The following DMBX1 variants were observed in gnomAD, a reference collection of about 807,000 sequenced individuals.
DMBX1 encodes the protein diencephalon/mesencephalon homeobox 1.
A neutral mutation model predicts 30.4 loss-of-function variants in DMBX1; 7 were observed. The ratio of observed to expected loss-of-function variants is 0.23; its 90% confidence interval spans 0.13 to 0.43. The LOEUF (loss-of-function observed/expected upper bound fraction) is 0.43. Ranked by LOEUF, DMBX1 falls within the 20% of genes least tolerant of loss-of-function variation. The pLI, the probability that DMBX1 is intolerant of heterozygous loss-of-function variation, is 1.00. For missense variants in DMBX1, 460 were observed against 508.5 expected, an observed-to-expected ratio of 0.90 and a Z score of 0.92; for synonymous variants, 222 against 214.2, an observed-to-expected ratio of 1.04 and a Z score of -0.32.
At chr1:46,490,464 A>G (rs1355365177) in intron 1 of DMBX1, among the ~76,000 whole-genome samples, 180 bp from the exon 2 acceptor site, 1 of 150,634 alleles carries the variant, frequency 6.6e-6, no homozygotes, top group Admixed American at 6.6e-5. Flanking sequence ...AATGCGGACC[A>G]GATGCGGCCT....
Position 46,493,980 on chromosome 1 carries a change from GCTAA to G in DMBX1, c.-13+3200_-13+3203del, listed in dbSNP as rs1665981274. Among the ~76,000 whole-genome samples the G allele has an allele frequency of 6.6e-6, 1 of 152,230 alleles. No individual in the cohort carries two copies. The highest frequency in any genetic ancestry group is 6.5e-5 in the Admixed American group (1 of 15,286). ...CATCCCTGACAGACTTTGGGCCAAGGCTAACTGAGCAGGCAGGGCCACCACTTCT... is the reference window on the plus strand; with the variant it reads ...CATCCCTGACAGACTTTGGGCCAAGGCTGAGCAGGCAGGGCCACCACTTCT... On this transcript the variant is annotated intron_variant, in intron 2 of 5. Coordinates refer to ENST00000360032, the MANE Select transcript of DMBX1 (RefSeq NM_172225.2). This position sits in a 1 kb window ranked among gnomAD's most constrained non-coding sequence, Gnocchi z 4.1.
At position 46,491,801 on chromosome 1, in the gene DMBX1, T is replaced by TG. The variant is rs1305887817; in HGVS notation, c.-13+1020dup. On this transcript the variant is annotated intron_variant, in intron 2 of 5. Transcript: ENST00000360032. This position sits in a 1 kb window ranked among gnomAD's most constrained non-coding sequence, Gnocchi z 5.5. The stretch of plus-strand genomic sequence containing the variant: ...CCACATCCCTGGTTCTCCCCTCGAA[T>TG]GGAAAGGCACTCTGGCCTAAGGACG... 6.6e-6 allele frequency among the ~76,000 whole-genome samples: 1 copy of TG among 151,992 alleles called. No individual in the cohort carries two copies. Among genetic ancestry groups the TG allele is most frequent in the East Asian group, 1.9e-4 (1 of 5,194 alleles).
rs12564461 is a variant in DMBX1, at chr1:46,506,499, T to C, written c.-12-500T>C. On this transcript the variant is annotated intron_variant, in intron 2 of 5. Transcript: ENST00000360032. ...ATGAAGGTAAAAATGAGTAAGTGCC[T>C]GAGTAATTGAACGAAGAGATGATTG... Among the ~76,000 whole-genome samples the C allele has an allele frequency of 0.021, 3,263 of 152,338 alleles. 218 individuals are homozygous for C. In the East Asian group the frequency reaches 0.25, roughly 11 times the overall value.
chr1:46,505,316 C>T (rs1340621022), intron 2 of DMBX1, among the ~76,000 whole-genome samples: 10 of 147,516 alleles, frequency 6.8e-5, no homozygotes, highest in Non-Finnish European at 1.5e-4. Context: ...TTTACTGCGG[C>T]ATTATTCACA....
At chr1:46,501,975 A>G (rs12239159) in intron 2 of DMBX1, among the ~76,000 whole-genome samples, 1,622 of 152,202 alleles carry the variant, frequency 0.011, 28 homozygotes, top group African/African-American at 0.037. Flanking sequence ...AGCTTTGTTT[A>G]TGGTATATTC....
chr1:46,505,662 A>G (rs938195930), intron 2 of DMBX1, among the ~76,000 whole-genome samples: 1 of 151,976 alleles, frequency 6.6e-6, no homozygotes, highest in Non-Finnish European at 1.5e-5. Context: ...ATGACGAGTT[A>G]GTGGGTGTAG....
In DMBX1 at chr1:46,510,312, C is replaced by G; in HGVS notation, c.155-164C>G. ...GTGGAGAGACCTTGAAAGCCCACAGCCATATGGAGAGGGGATGGCTGATTT... is the reference window on the plus strand; with the variant it reads ...GTGGAGAGACCTTGAAAGCCCACAGGCATATGGAGAGGGGATGGCTGATTT... On this transcript the variant is annotated intron_variant, in intron 3 of 5. Transcript: ENST00000360032. The surrounding 1 kb of genome is among the most constrained non-coding windows in gnomAD (Gnocchi z 4.1). 1 of 811,936 alleles carries G rather than the reference C, an allele frequency of 1.2e-6. No individual in the cohort carries two copies. Among genetic ancestry groups the G allele is most frequent in the Non-Finnish European group, 1.9e-6 (1 of 530,342 alleles). The allele number at this position is 811,936 out of a possible 1,614,324, so 50.3% of individuals were successfully genotyped here. A position where few individuals can be genotyped will look rare whatever the true frequency, so the allele number is the denominator to read the frequency against.
chr1:46,511,379 A>AGT, intron 5 of DMBX1, 96 bp downstream of exon 5: 14 of 1,302,300 alleles, frequency 1.1e-5, no homozygotes, highest in Non-Finnish European at 1.4e-5. Flanking sequence ...CCTCAGGGGC[A>AGT]TGGCGCATCA....
chr1:46,501,117 A>G (rs1011006985), intron 2 of DMBX1, among the ~76,000 whole-genome samples: 2 of 151,974 alleles, frequency 1.3e-5, no homozygotes, highest in African/African-American at 4.8e-5. Context: ...TCTGATCGGT[A>G]AACAATGACC....
At chr1:46,501,218 CTTTCTTTCTTTCTTTCTTTCTTT>C (rs1666123427) in intron 2 of DMBX1, among the ~76,000 whole-genome samples, 14 of 85,898 alleles carry the variant, frequency 1.6e-4, no homozygotes, top group East Asian at 6.9e-4. Flanking sequence ...TCCTTCCTTT[CTTTCTTTCTTTCTTTCTTTCTTT>C]CTTTCTTTCT....
At chr1:46,502,116 T>A (rs114689631) in intron 2 of DMBX1, among the ~76,000 whole-genome samples, 1 of 152,324 alleles carries the variant, frequency 6.6e-6, no homozygotes, top group African/African-American at 2.4e-5. Flanking sequence ...AGGAAGTTAA[T>A]GTGTGAATGC....
At chr1:46,495,125 T>C (rs1011143335) in intron 2 of DMBX1, among the ~76,000 whole-genome samples, 2 of 152,186 alleles carry the variant, frequency 1.3e-5, no homozygotes, top group Non-Finnish European at 2.9e-5. Context: ...ATTGGCCCAC[T>C]CTCATCTCCC....
At chr1:46,490,318 C>G (rs1041407113) in intron 1 of DMBX1, among the ~76,000 whole-genome samples, 1 of 152,046 alleles carries the variant, frequency 6.6e-6, no homozygotes, top group Admixed American at 6.5e-5. Flanking sequence ...GCTTCGGATC[C>G]GTCACGGTTT....
chr1:46,510,371 C>T lies in DMBX1; in HGVS notation c.155-105C>T. On this transcript the variant is annotated intron_variant, in intron 3 of 5. Transcript: ENST00000360032. This position sits in a 1 kb window ranked among gnomAD's most constrained non-coding sequence, Gnocchi z 4.1. ...AAGGGACCAGGGCCAGCTCTGGCAGCAGCCTGGGTGTCCACAGTGGGTCAG... is the reference window on the plus strand; with the variant it reads ...AAGGGACCAGGGCCAGCTCTGGCAGTAGCCTGGGTGTCCACAGTGGGTCAG... The T allele has an allele frequency of 7.2e-7, 1 of 1,393,124 alleles. No homozygotes were observed. The highest frequency in any genetic ancestry group is 9.6e-7 in the Non-Finnish European group (1 of 1,043,074). 86.3% of individuals were successfully genotyped at this position (1,393,124 alleles called of 1,614,324 possible).
chr1:46,499,928 A>G (rs1033405227), intron 2 of DMBX1, among the ~76,000 whole-genome samples: 1 of 152,160 alleles, frequency 6.6e-6, no homozygotes, highest in Non-Finnish European at 1.5e-5. Context: ...CATTGTGATC[A>G]TCCTCATTTC....
chr1:46,493,100 C>A lies in DMBX1; in HGVS notation c.-13+2317C>A, dbSNP rs949135651. On this transcript the variant is annotated intron_variant, in intron 2 of 5. Transcript: ENST00000360032. The surrounding 1 kb of genome is among the most constrained non-coding windows in gnomAD (Gnocchi z 4.1). The stretch of plus-strand genomic sequence containing the variant: ...CACCCCTGCCTTCCCATTTCGCCCC[C>A]CACCCCACCCCTTTCTCACAGTCCC... 6.6e-6 allele frequency among the ~76,000 whole-genome samples: 1 copy of A among 152,154 alleles called. No homozygotes were observed. Among genetic ancestry groups the A allele is most frequent in the Non-Finnish European group, 1.5e-5 (1 of 68,026 alleles).
intron 3 of DMBX1, among the ~76,000 whole-genome samples, chr1:46,507,515 G>T (rs1357887542): frequency 1.3e-5 from 2 of 152,172 alleles, no homozygotes; most frequent in African/African-American, 4.8e-5. Flanking sequence ...GCTGGAAGAG[G>T]CTGGAATGCC....
chr1:46,496,857 C>T (rs552654121), intron 2 of DMBX1, among the ~76,000 whole-genome samples: 53 of 152,272 alleles, frequency 3.5e-4, no homozygotes, highest in African/African-American at 8.9e-4. Flanking sequence ...TTGCTGCTCC[C>T]GGGTTCGTGT....
Position 46,512,699 on chromosome 1 carries a change from G to A in DMBX1, c.*205G>A. 1 of 602,582 alleles carries A rather than the reference G, an allele frequency of 1.7e-6. No homozygotes were observed. The highest frequency in any genetic ancestry group is 2.8e-6 in the Non-Finnish European group (1 of 358,742). The allele number at this position is 602,582 out of a possible 1,614,324, so 37.3% of individuals were successfully genotyped here. ...CTGCATGGCCCTGCCTGGACCCCAT[G>A]GAGGCCGAATAGGGAGGAGGTGAGA... On this transcript the variant is annotated 3_prime_UTR_variant, in exon 6 of 6. Transcript: ENST00000360032. This position sits in a 1 kb window ranked among gnomAD's most constrained non-coding sequence, Gnocchi z 4.8.
Sources: gnomAD v4.1 joint callset for allele counts (sites outside exome capture counted in the v4.1 genomes callset) on GRCh38, gnomAD v4.1.1 for gene constraint, Gnocchi (gnomAD v3.1) non-coding constraint, MANE v1.5 for transcripts, NCBI Gene and HGNC (gene_info 2026-07-23, HGNC 2026-07-21) for gene names.